Variants in IL1RAPL2 observed in about 807,000 individuals in gnomAD.
The protein encoded by IL1RAPL2 is X-linked interleukin-1 receptor accessory protein-like 2.
IL1RAPL2 carries 3 observed loss-of-function variants against 44.1 expected under a neutral mutation model. The observed-to-expected ratio is 0.07, with a 90% CI of 0.03 to 0.18. The LOEUF is 0.18. Ranked by LOEUF, IL1RAPL2 falls within the 10% of genes least tolerant of loss-of-function variation. The pLI, the probability that IL1RAPL2 is intolerant of heterozygous loss-of-function variation, is 1.00. For missense variants in IL1RAPL2, 391 were observed against 496.4 expected, an observed-to-expected ratio of 0.79 and a Z score of 2.02; for synonymous variants, 181 against 178.8, an observed-to-expected ratio of 1.01 and a Z score of -0.10.
At chrX:105,083,100 G>A (rs968041890) in intron 2 of IL1RAPL2, among the ~76,000 whole-genome samples, 1 of 110,849 alleles carries the variant, frequency 9.0e-6, no homozygotes, top group African/African-American at 3.3e-5. Context: ...GGTTAAAGAA[G>A]AACATAAATG....
At chrX:105,518,180 C>A (rs946165832) in intron 6 of IL1RAPL2, among the ~76,000 whole-genome samples, 2 of 109,949 alleles carry the variant, frequency 1.8e-5, no homozygotes, top group African/African-American at 6.6e-5. Context: ...GAATTAGAAT[C>A]TGAACATATA....
intron 6 of IL1RAPL2, among the ~76,000 whole-genome samples, chrX:105,493,721 T>A (rs936979008): frequency 2.7e-5 from 3 of 111,720 alleles, no homozygotes; most frequent in African/African-American, 9.8e-5. Flanking sequence ...GTAGTATTGT[T>A]TACAAGGTCC....
intron 6 of IL1RAPL2, among the ~76,000 whole-genome samples, chrX:105,687,500 C>T (rs2083570003): frequency 9.0e-6 from 1 of 111,475 alleles, no homozygotes; most frequent in African/African-American, 3.3e-5. Context: ...AATTCCTTGA[C>T]ACATACACCC....
intron 3 of IL1RAPL2, among the ~76,000 whole-genome samples, chrX:105,201,585 T>C (rs1556146531): frequency 8.9e-6 from 1 of 111,811 alleles, no homozygotes; most frequent in East Asian, 2.8e-4. Context: ...TTATGGCATA[T>C]TGCAAGAAGA....
At chrX:104,987,914 G>GT (rs1004354598) in intron 2 of IL1RAPL2, among the ~76,000 whole-genome samples, 4 of 111,691 alleles carry the variant, frequency 3.6e-5, no homozygotes, top group African/African-American at 1.3e-4. Flanking sequence ...TTTGTAGACT[G>GT]TTAGTGGAAA....
intron 5 of IL1RAPL2, among the ~76,000 whole-genome samples, chrX:105,338,799 C>T (rs2035048090): frequency 1.8e-5 from 2 of 111,616 alleles, no homozygotes; most frequent in African/African-American, 6.5e-5. Context: ...AATATCTGCT[C>T]ATTTAAAACA....
intron 2 of IL1RAPL2, among the ~76,000 whole-genome samples, chrX:104,729,365 T>TA (rs1020256658): frequency 9.2e-5 from 10 of 108,616 alleles, no homozygotes; most frequent in Non-Finnish European, 1.5e-4. Context: ...TTCACATGAA[T>TA]AGTTGGAATT....
intron 2 of IL1RAPL2, among the ~76,000 whole-genome samples, chrX:104,941,628 A>G (rs1411049832): frequency 2.7e-5 from 3 of 110,531 alleles, no homozygotes; most frequent in Non-Finnish European, 5.7e-5. Flanking sequence ...GATTGTAAAA[A>G]TTTTCTCCCA....
chrX:104,622,844 A>G (rs1013780860), intron 1 of IL1RAPL2, among the ~76,000 whole-genome samples: 7 of 112,336 alleles, frequency 6.2e-5, no homozygotes, highest in Admixed American at 2.8e-4. Context: ...GGACAAACAT[A>G]TAACTGAAGA....
At chrX:105,112,960 C>CTT (rs766375349) in intron 2 of IL1RAPL2, among the ~76,000 whole-genome samples, 1 of 112,608 alleles carries the variant, frequency 8.9e-6, no homozygotes, top group African/African-American at 3.2e-5. Flanking sequence ...TTAGAAGTGT[C>CTT]TTTTAAAAGA....
chrX:105,494,980 C>T (rs1341041400), intron 6 of IL1RAPL2, among the ~76,000 whole-genome samples: 1 of 111,692 alleles, frequency 9.0e-6, no homozygotes, highest in Non-Finnish European at 1.9e-5. Flanking sequence ...GCAGAAGCCC[C>T]GGCAAGGTGG....
chrX:105,321,138 C>A (rs1480851098), intron 5 of IL1RAPL2, among the ~76,000 whole-genome samples: 1 of 111,339 alleles, frequency 9.0e-6, no homozygotes, highest in African/African-American at 3.3e-5. Context: ...GAGATGGGAG[C>A]AAACTGACAG....
At chrX:104,582,624 CTT>C (rs1422818612) in intron 1 of IL1RAPL2, among the ~76,000 whole-genome samples, 50 of 61,662 alleles carry the variant, frequency 8.1e-4, no homozygotes, top group African/African-American at 3.1e-3. Flanking sequence ...TTCTTTCTTT[CTT>C]TCTTTCTTTC....
intron 2 of IL1RAPL2, among the ~76,000 whole-genome samples, chrX:104,852,275 G>A (rs1055960417): frequency 8.9e-6 from 1 of 112,235 alleles, no homozygotes; most frequent in African/African-American, 3.2e-5. Flanking sequence ...ACAGAATGAG[G>A]AGGATTACAT....
intron 2 of IL1RAPL2, among the ~76,000 whole-genome samples, chrX:104,750,223 T>G (rs2147583227): frequency 9.0e-6 from 1 of 111,538 alleles, no homozygotes; most frequent in East Asian, 2.9e-4. Flanking sequence ...ATAGCCATGA[T>G]GTCATTGAGA....
intron 5 of IL1RAPL2, among the ~76,000 whole-genome samples, chrX:105,391,563 C>T (rs1280955434): frequency 1.0e-5 from 1 of 97,389 alleles, no homozygotes; most frequent in Non-Finnish European, 2.0e-5. Flanking sequence ...TAAACTAGTT[C>T]AACCATTGTG....
At chrX:105,319,545 G>A (rs528653588) in intron 5 of IL1RAPL2, among the ~76,000 whole-genome samples, 3 of 111,816 alleles carry the variant, frequency 2.7e-5, no homozygotes, top group South Asian at 3.7e-4. Flanking sequence ...AAAAAGTACC[G>A]TGCAATTATA....
intron 6 of IL1RAPL2, among the ~76,000 whole-genome samples, chrX:105,590,813 TTGTGTGTG>T (rs199802193): frequency 1.7e-3 from 163 of 97,201 alleles, no homozygotes; most frequent in African/African-American, 6.1e-3. Flanking sequence ...TGGCCTGAAT[TTGTGTGTG>T]TGTGTGTGTG....
At chrX:104,789,049 CCTTT>C (rs771135185) in intron 2 of IL1RAPL2, among the ~76,000 whole-genome samples, 22 of 112,102 alleles carry the variant, frequency 2.0e-4, no homozygotes, top group African/African-American at 6.5e-4. Flanking sequence ...ATAAAAGCCG[CCTTT>C]CTTCTCAGCT....
Sources: allele counts gnomAD v4.1 joint callset (sites outside exome capture counted in the v4.1 genomes callset), GRCh38; gene constraint gnomAD v4.1.1; transcripts MANE v1.5; gene names NCBI Gene and HGNC (gene_info 2026-07-23, HGNC 2026-07-21).